The following GTF2IRD1 variants were observed in gnomAD, a reference collection of about 807,000 sequenced individuals.
GTF2IRD1 encodes general transcription factor II-I repeat domain-containing protein 1.
Under a neutral mutation model 113.2 loss-of-function variants are expected in GTF2IRD1, and 26 were observed. That is an observed-to-expected ratio of 0.23 (90% CI 0.17 to 0.32). The LOEUF (loss-of-function observed/expected upper bound fraction) is 0.32, where lower values mean the gene tolerates loss of function less well. Among genes scored for constraint, GTF2IRD1 ranks in the 10% least tolerant of loss-of-function variants. The probability of loss-of-function intolerance (pLI) is 1.00; values close to 1 mark genes in which losing one functional copy is unlikely to be tolerated. For synonymous variants in GTF2IRD1, 484 were observed against 529.1 expected (o/e 0.91, Z 1.17); for missense variants, 864 against 1,280.8 (o/e 0.67, Z 4.97).
At chr7:74,598,575 T>C (rs1802560175) in intron 25 of GTF2IRD1, among the ~76,000 whole-genome samples, 1 of 151,574 alleles carries the variant, frequency 6.6e-6, no homozygotes, top group African/African-American at 2.4e-5. Context: ...GAGATCACAC[T>C]ACTGTACTTC....
intron 5 of GTF2IRD1, among the ~76,000 whole-genome samples, chr7:74,518,705 C>T (rs1369743904): frequency 6.6e-6 from 1 of 151,984 alleles, no homozygotes; most frequent in Non-Finnish European, 1.5e-5. Context: ...CATACCAAGA[C>T]CCTGTCTCTG....
intron 25 of GTF2IRD1, among the ~76,000 whole-genome samples, chr7:74,596,202 G>A (rs1490292478): frequency 1.6e-4 from 24 of 151,744 alleles, no homozygotes; most frequent in African/African-American, 5.3e-4. Context: ...TGGCTCACGC[G>A]TGTAATCCCA....
intron 14 of GTF2IRD1, among the ~76,000 whole-genome samples, chr7:74,543,894 A>C (rs1562854714): frequency 2.0e-5 from 3 of 151,330 alleles, no homozygotes; most frequent in Non-Finnish European, 4.4e-5. Context: ...AAAAAAAAAA[A>C]AACAATTAGC....
chr7:74,472,595 A>C (rs1794176651), intron 1 of GTF2IRD1, among the ~76,000 whole-genome samples: 1 of 152,074 alleles, frequency 6.6e-6, no homozygotes, highest in Admixed American at 6.6e-5. Context: ...AAAAATACAA[A>C]AAAAAATTTA....
Position 74,516,766 on chromosome 7 carries a change from C to T in GTF2IRD1, c.421+1170C>T, listed in dbSNP as rs116053310. Among the ~76,000 whole-genome samples, 407 of 152,116 alleles carry T rather than the reference C, an allele frequency of 2.7e-3. 2 individuals are homozygous for T. Among genetic ancestry groups the T allele is most frequent in the African/African-American group, 8.8e-3 (367 of 41,504 alleles). ...GACACTTTTGCCAGCTGCAGGGCCC[C>T]GCGCCCCTGCCCGCCTTGCCCTGGC... On this transcript the variant is annotated intron_variant, in intron 4 of 26. Transcript: ENST00000424337.
At chr7:74,482,807 C>T (rs948421497) in intron 1 of GTF2IRD1, among the ~76,000 whole-genome samples, 1 of 152,110 alleles carries the variant, frequency 6.6e-6, no homozygotes, top group African/African-American at 2.4e-5. Context: ...GAGATTCCAC[C>T]GTGGTGTTGC....
chr7:74,554,996 A>G (rs1471385562), intron 17 of GTF2IRD1, among the ~76,000 whole-genome samples, 178 bp from the exon 18 acceptor site: 1 of 152,038 alleles, frequency 6.6e-6, no homozygotes, highest in Non-Finnish European at 1.5e-5. Flanking sequence ...TGGATCCTTC[A>G]AGCCCAGCGC....
intron 22 of GTF2IRD1, among the ~76,000 whole-genome samples, chr7:74,585,098 A>G (rs1554367353): frequency 6.9e-6 from 1 of 144,228 alleles, no homozygotes. Context: ...CACCGCGCCC[A>G]GCCTGTTTGG....
chr7:74,573,451 C>A (rs1236128543), intron 22 of GTF2IRD1, among the ~76,000 whole-genome samples: 1 of 151,814 alleles, frequency 6.6e-6, no homozygotes, highest in Non-Finnish European at 1.5e-5. Context: ...GCTTTCCGGA[C>A]CCGAAAGGGA....
intron 2 of GTF2IRD1, 143 bp downstream of exon 2, chr7:74,508,346 C>T (rs1381204776): frequency 2.8e-5 from 23 of 827,852 alleles, no homozygotes; most frequent in Non-Finnish European, 3.0e-5. Context: ...GGCCACGATG[C>T]CTGCATCAAG....
At chr7:74,550,559 C>CA (rs1443891126) in intron 17 of GTF2IRD1, among the ~76,000 whole-genome samples, 6 of 151,620 alleles carry the variant, frequency 4.0e-5, no homozygotes, top group Non-Finnish European at 8.8e-5. Flanking sequence ...TGCACTCTAG[C>CA]CTGGGTGACA....
In GTF2IRD1 at chr7:74,529,929, G is replaced by T. The variant is rs782764074; in HGVS notation, c.1274+12G>T. 1.9e-6 allele frequency: 3 copies of T among 1,599,596 alleles called. No homozygotes were observed. Among genetic ancestry groups the T allele is most frequent in the Admixed American group, 1.7e-5 (1 of 59,462 alleles). On this transcript the variant is annotated intron_variant, in intron 9 of 26. Coordinates refer to ENST00000424337, the MANE Select transcript of GTF2IRD1 (RefSeq NM_005685.4). ...TTCATCATTAAGAGGTGCGGGTGGG[G>T]CTGGGCGCAGTGGCTCATGCCTGTA...
rs563953861 is a variant in GTF2IRD1, at chr7:74,503,559, G to A, written c.-6-4516G>A. Among the ~76,000 whole-genome samples the A allele has an allele frequency of 2.0e-4, 30 of 152,194 alleles. 1 individual carries two copies. The East Asian group carries it at 4.8e-3, about 25-fold the overall frequency. ...AGGTCAGGAGTTCGAGACCAGTCTGGCCAACATGGGGAAACCCCGTCTCTA... is the reference window on the plus strand; with the variant it reads ...AGGTCAGGAGTTCGAGACCAGTCTGACCAACATGGGGAAACCCCGTCTCTA... On this transcript the variant is annotated intron_variant, in intron 1 of 26. Transcript: ENST00000424337.
At chr7:74,480,745 G>T (rs1367442628) in intron 1 of GTF2IRD1, among the ~76,000 whole-genome samples, 1 of 152,214 alleles carries the variant, frequency 6.6e-6, no homozygotes, top group Non-Finnish European at 1.5e-5. Flanking sequence ...TACTGCCGGC[G>T]GCGGCGGAGT....
At chr7:74,548,290 T>C (rs1488578687) in intron 17 of GTF2IRD1, among the ~76,000 whole-genome samples, 1 of 151,614 alleles carries the variant, frequency 6.6e-6, no homozygotes, top group South Asian at 2.1e-4. Context: ...GGCATGGTGG[T>C]GGGTGCCTGT....
intron 22 of GTF2IRD1, among the ~76,000 whole-genome samples, chr7:74,587,957 G>A (rs587597162): frequency 1.1e-4 from 17 of 152,140 alleles, no homozygotes; most frequent in African/African-American, 3.6e-4. Flanking sequence ...CTTGGTCAGC[G>A]AGCGGTCAGG....
chr7:74,496,620 GC>G (rs1554338117), intron 1 of GTF2IRD1, among the ~76,000 whole-genome samples: 4 of 150,216 alleles, frequency 2.7e-5, no homozygotes, highest in East Asian at 2.0e-4. Context: ...ATGTGGGTGT[GC>G]GTGTGGGTGT....
chr7:74,535,744 C>T (rs1798254499), intron 10 of GTF2IRD1, among the ~76,000 whole-genome samples: 1 of 152,196 alleles, frequency 6.6e-6, no homozygotes. Context: ...CTTCAGTGTC[C>T]ACGTCTGTGA....
chr7:74,462,907 G>A (rs1793473846), intron 1 of GTF2IRD1, among the ~76,000 whole-genome samples: 1 of 152,264 alleles, frequency 6.6e-6, no homozygotes, highest in Non-Finnish European at 1.5e-5. Flanking sequence ...GGGCTCTGGA[G>A]TAATTGAGGC....
Sources: allele counts gnomAD v4.1 joint callset (sites outside exome capture counted in the v4.1 genomes callset), GRCh38; gene constraint gnomAD v4.1.1; transcripts MANE v1.5; gene names NCBI Gene and HGNC (gene_info 2026-07-23, HGNC 2026-07-21).